The following ANKS1B variants were observed in gnomAD, a reference collection of about 807,000 sequenced individuals.
ANKS1B encodes the protein ankyrin repeat and sterile alpha motif domain containing 1B.
In ANKS1B, 36 loss-of-function variants were observed where a neutral mutation model predicts 148.3. The observed-to-expected ratio is 0.24, with a 90% confidence interval of 0.19 to 0.32. The LOEUF (loss-of-function observed/expected upper bound fraction) is 0.32, where lower values mean the gene tolerates loss of function less well. Ranked by LOEUF, ANKS1B falls within the 10% of genes least tolerant of loss-of-function variation. The pLI is 1.00. For synonymous variants in ANKS1B, 542 were observed against 560.8 expected, an observed-to-expected ratio of 0.97 and a Z score of 0.47; for missense variants, 1,157 against 1,542.6, an observed-to-expected ratio of 0.75 and a Z score of 4.19.
chr12:99,214,933 A>C (rs1241390549), intron 14 of ANKS1B, among the ~76,000 whole-genome samples: 1 of 152,234 alleles, frequency 6.6e-6, no homozygotes, highest in Non-Finnish European at 1.5e-5. Context: ...TTTAGCAAAG[A>C]GACTAGTGGC....
chr12:99,585,110 A>T (rs2097617119), intron 9 of ANKS1B, among the ~76,000 whole-genome samples: 1 of 152,196 alleles, frequency 6.6e-6, no homozygotes, highest in South Asian at 2.1e-4. Flanking sequence ...CATCTGAGAA[A>T]AGGCAAGTCC....
intron 8 of ANKS1B, among the ~76,000 whole-genome samples, chr12:99,724,621 A>T (rs2058436030): frequency 6.6e-6 from 1 of 152,212 alleles, no homozygotes; most frequent in Non-Finnish European, 1.5e-5. Flanking sequence ...ACCTAGCAAG[A>T]TAGGCCAACA....
intron 12 of ANKS1B, among the ~76,000 whole-genome samples, chr12:99,347,987 A>C (rs1424315710): frequency 6.6e-6 from 1 of 152,008 alleles, no homozygotes; most frequent in East Asian, 1.9e-4. Context: ...CCAAATAAAG[A>C]AGGCAGAAAT....
intron 14 of ANKS1B, among the ~76,000 whole-genome samples, chr12:99,198,817 A>C (rs1301163098): frequency 5.9e-5 from 9 of 152,188 alleles, no homozygotes. Flanking sequence ...TCCCTTATGT[A>C]GTCCCTCCCA....
intron 17 of ANKS1B, among the ~76,000 whole-genome samples, chr12:99,016,620 C>T (rs2099942697): frequency 1.3e-5 from 2 of 152,174 alleles, no homozygotes. Context: ...CATGCCACTG[C>T]ACTCCAGCCT....
intron 17 of ANKS1B, among the ~76,000 whole-genome samples, chr12:98,863,461 G>C (rs998956010): frequency 6.6e-6 from 1 of 152,242 alleles, no homozygotes; most frequent in African/African-American, 2.4e-5. Flanking sequence ...TGTGCTGTGT[G>C]CCTGGTTAGG....
chr12:99,194,477 A>G lies in ANKS1B; in HGVS notation c.2420-40082T>C, dbSNP rs1050176436. 2.6e-5 allele frequency among the ~76,000 whole-genome samples: 4 copies of G among 152,016 alleles called. No homozygotes were observed. The South Asian group carries it at 6.2e-4, about 24-fold the overall frequency. ...TTTTGAGTTTTATTTAATAAAACAG[A>G]TCATCAAACTCATAAATGAAGCTTG... On this transcript the variant is annotated intron_variant, in intron 14 of 26. Coordinates refer to ENST00000683438, the MANE Select transcript of ANKS1B (RefSeq NM_001352186.2).
intron 9 of ANKS1B, among the ~76,000 whole-genome samples, chr12:99,548,880 T>C (rs2097193789): frequency 6.6e-6 from 1 of 152,210 alleles, no homozygotes; most frequent in Non-Finnish European, 1.5e-5. Flanking sequence ...TCCTGCTATA[T>C]GCCAGGTGCA....
chr12:98,863,523 G>A (rs981615534), intron 17 of ANKS1B, among the ~76,000 whole-genome samples: 5 of 152,192 alleles, frequency 3.3e-5, no homozygotes, highest in Non-Finnish European at 7.3e-5. Flanking sequence ...ATTGCTTTAT[G>A]GGGTGCATGA....
intron 1 of ANKS1B, among the ~76,000 whole-genome samples, chr12:99,973,682 T>C (rs1370352896): frequency 6.6e-6 from 1 of 152,156 alleles, no homozygotes; most frequent in Non-Finnish European, 1.5e-5. Context: ...TTTTGAGGGA[T>C]TCATGATTTC....
At chr12:99,322,040 A>C (rs2085375533) in intron 12 of ANKS1B, among the ~76,000 whole-genome samples, 1 of 152,228 alleles carries the variant, frequency 6.6e-6, no homozygotes, top group Admixed American at 6.5e-5. Flanking sequence ...TCATTCTACT[A>C]TAAAGACAAA....
intron 10 of ANKS1B, among the ~76,000 whole-genome samples, chr12:99,495,743 C>T (rs1400288883): frequency 6.6e-6 from 1 of 152,128 alleles, no homozygotes; most frequent in East Asian, 1.9e-4. Flanking sequence ...TAAATATACC[C>T]ACAGAAATCA....
intron 9 of ANKS1B, among the ~76,000 whole-genome samples, chr12:99,594,235 T>C (rs1412396044): frequency 2.0e-5 from 3 of 152,110 alleles, no homozygotes; most frequent in Non-Finnish European, 4.4e-5. Flanking sequence ...TGAGGAGAAA[T>C]TGGAAACTTC....
intron 14 of ANKS1B, among the ~76,000 whole-genome samples, chr12:99,232,777 T>C (rs1352279364): frequency 6.6e-6 from 1 of 152,120 alleles, no homozygotes. Context: ...TCCTCAGTGA[T>C]CAAAAGATAA....
At chr12:99,259,943 G>A (rs938736907) in intron 12 of ANKS1B, among the ~76,000 whole-genome samples, 2 of 152,124 alleles carry the variant, frequency 1.3e-5, no homozygotes, top group Non-Finnish European at 2.9e-5. Flanking sequence ...AATAAATGGC[G>A]TCTAGTGAAT....
chr12:98,880,163 C>G (rs1448107809), intron 17 of ANKS1B, among the ~76,000 whole-genome samples: 2 of 152,096 alleles, frequency 1.3e-5, no homozygotes. Flanking sequence ...GGCGACAGAG[C>G]CCTTTTTTAA....
intron 9 of ANKS1B, among the ~76,000 whole-genome samples, chr12:99,619,911 C>A (rs1162057971): frequency 6.6e-6 from 1 of 152,186 alleles, no homozygotes; most frequent in Non-Finnish European, 1.5e-5. Context: ...ATCTATCTTA[C>A]CCCTCTAGAG....
chr12:99,530,247 AGGCCCTTGGCAGT>A (rs2096974270), intron 9 of ANKS1B, among the ~76,000 whole-genome samples: 1 of 152,224 alleles, frequency 6.6e-6, no homozygotes, highest in Non-Finnish European at 1.5e-5. Flanking sequence ...ATACTGGTTT[AGGCCCTTGGCAGT>A]GTAGGCTTCC....
rs541674938 is a variant in ANKS1B, at chr12:99,640,883, G to A, written c.1272+14184C>T. On this transcript the variant is annotated intron_variant, in intron 9 of 26. Coordinates refer to ENST00000683438, the MANE Select transcript of ANKS1B (RefSeq NM_001352186.2). ...GTCATTACGACTTTTTACAACTTAT[G>A]GCATTTATTTTTTCAGAAAATATAA... Among the ~76,000 whole-genome samples the A allele has an allele frequency of 5.1e-4, 77 of 152,148 alleles. 2 individuals are homozygous for A. The highest frequency in any genetic ancestry group is 3.4e-3 in the Middle Eastern group (1 of 294).
Sources: gnomAD v4.1 joint callset for allele counts (sites outside exome capture counted in the v4.1 genomes callset) on GRCh38, gnomAD v4.1.1 for gene constraint, MANE v1.5 for transcripts, NCBI Gene and HGNC (gene_info 2026-07-23, HGNC 2026-07-21) for gene names.